NTM: variants seen among roughly 807,000 people sequenced by gnomAD.
NTM encodes the protein IgLON family member 2.
A neutral mutation model predicts 42.1 loss-of-function variants in NTM; 13 were observed. The ratio of observed to expected loss-of-function variants is 0.31; its 90% confidence interval spans 0.20 to 0.49. The LOEUF (loss-of-function observed/expected upper bound fraction) is 0.49, where lower values mean the gene tolerates loss of function less well. NTM is among the 20% of genes least tolerant of loss of function. The pLI is 0.99. For synonymous variants in NTM, 187 were observed against 179.2 expected (o/e 1.04, Z -0.35); for missense variants, 373 against 452.8 (o/e 0.82, Z 1.60).
intron 1 of NTM, among the ~76,000 whole-genome samples, chr11:131,650,719 C>A (rs1320872582): frequency 6.6e-6 from 1 of 152,038 alleles, no homozygotes; most frequent in Non-Finnish European, 1.5e-5. Flanking sequence ...TTACTATGCC[C>A]TCCCCAGAGG....
At chr11:131,835,690 C>T (rs913086828) in intron 1 of NTM, among the ~76,000 whole-genome samples, 1 of 152,122 alleles carries the variant, frequency 6.6e-6, no homozygotes, top group Non-Finnish European at 1.5e-5. Flanking sequence ...CTATTAATTA[C>T]AGAATCTCTC....
At chr11:131,704,678 A>G (rs1043180145) in intron 1 of NTM, among the ~76,000 whole-genome samples, 4 of 152,248 alleles carry the variant, frequency 2.6e-5, no homozygotes, top group South Asian at 2.1e-4. Flanking sequence ...CATTTAAAAT[A>G]ATAATCTTAA....
chr11:132,208,130 G>A (rs1365213609), intron 3 of NTM, among the ~76,000 whole-genome samples: 1 of 152,160 alleles, frequency 6.6e-6, no homozygotes, highest in African/African-American at 2.4e-5. Flanking sequence ...GATATAGAAT[G>A]TATCCATGGA....
At chr11:131,969,087 A>G (rs113466618) in intron 2 of NTM, among the ~76,000 whole-genome samples, 6 of 152,322 alleles carry the variant, frequency 3.9e-5, no homozygotes, top group East Asian at 3.9e-4. Context: ...GGCTAATTCT[A>G]TTTTTCATTT....
chr11:132,067,195 G>A (rs149236131), intron 2 of NTM, among the ~76,000 whole-genome samples: 1,729 of 152,268 alleles, frequency 0.011, 41 homozygotes, highest in African/African-American at 0.038. Context: ...AGCTCAAGCA[G>A]TCTGCCTGTT....
chr11:131,517,984 G>T (rs1434716960), intron 1 of NTM, among the ~76,000 whole-genome samples: 1 of 152,192 alleles, frequency 6.6e-6, no homozygotes, highest in Non-Finnish European at 1.5e-5. Context: ...TGTAACAATA[G>T]GTTATAATTA....
intron 1 of NTM, among the ~76,000 whole-genome samples, chr11:131,469,774 T>C (rs1270197476): frequency 6.6e-6 from 1 of 152,216 alleles, no homozygotes. Flanking sequence ...TGGAATGATT[T>C]TGATGATTAA....
chr11:132,273,345 T>A (rs2093581587), intron 4 of NTM, among the ~76,000 whole-genome samples: 1 of 115,138 alleles, frequency 8.7e-6, no homozygotes, highest in African/African-American at 3.3e-5. Context: ...TCCTGAGGAA[T>A]TCCACATATG....
chr11:132,290,046 A>G (rs2094401994), intron 4 of NTM, among the ~76,000 whole-genome samples: 1 of 152,210 alleles, frequency 6.6e-6, no homozygotes, highest in East Asian at 1.9e-4. Context: ...ATTTGCCGCT[A>G]TATTGTTCTT....
chr11:131,913,300 T>C (rs73587562), intron 2 of NTM, among the ~76,000 whole-genome samples: 161 of 152,238 alleles, frequency 1.1e-3, no homozygotes, highest in African/African-American at 3.6e-3. Flanking sequence ...ACAGAGACAT[T>C]CTGAATGGGG....
intron 2 of NTM, among the ~76,000 whole-genome samples, chr11:131,992,493 A>C (rs1366974771): frequency 1.3e-5 from 2 of 152,070 alleles, no homozygotes; most frequent in Admixed American, 1.3e-4. Context: ...GTGTATGAAC[A>C]TAAGACTACA....
chr11:131,759,071 A>G (rs2083742305), intron 1 of NTM, among the ~76,000 whole-genome samples: 1 of 152,202 alleles, frequency 6.6e-6, no homozygotes, highest in Non-Finnish European at 1.5e-5. Context: ...ATACACTTCT[A>G]TGGATATTAT....
rs927287089 is a variant in NTM at position 131,459,935 on chromosome 11, A to AT, written c.82+89054dup. Among the ~76,000 whole-genome samples the AT allele has an allele frequency of 3.9e-5, 6 of 152,280 alleles. No individual in the cohort carries two copies. In the East Asian group the frequency reaches 7.7e-4, roughly 20 times the overall value. On this transcript the variant is annotated intron_variant, in intron 1 of 8. Transcript: ENST00000683400. ...GCTTAGGAAGTGGGCCAGGTTTTGT[A>AT]TTTTTTTAAAAAAATAAAACAATTG... is the stretch of plus-strand genomic sequence containing the variant.
intron 4 of NTM, among the ~76,000 whole-genome samples, chr11:132,238,660 A>G (rs572322534): frequency 2.4e-4 from 37 of 152,270 alleles, no homozygotes; most frequent in African/African-American, 8.7e-4. Context: ...CGCGGAGCTC[A>G]TTGCCTTAGG....
intron 1 of NTM, among the ~76,000 whole-genome samples, chr11:131,698,563 C>T (rs1409172548): frequency 1.3e-5 from 2 of 152,042 alleles, no homozygotes; most frequent in African/African-American, 4.8e-5. Flanking sequence ...AAAAACCAGA[C>T]ATTTCCCATT....
intron 1 of NTM, among the ~76,000 whole-genome samples, chr11:131,440,466 A>G (rs566079003): frequency 1.3e-5 from 2 of 152,182 alleles, no homozygotes; most frequent in East Asian, 1.9e-4. Flanking sequence ...TTCTGACTCT[A>G]CCATGCTTTA....
chr11:131,937,263 C>T (rs2059323762), intron 2 of NTM, among the ~76,000 whole-genome samples: 1 of 152,126 alleles, frequency 6.6e-6, no homozygotes, highest in African/African-American at 2.4e-5. Context: ...TGAAAAAGAA[C>T]TGTTATTGGA....
chr11:131,968,592 G>C (rs556255826), intron 2 of NTM, among the ~76,000 whole-genome samples: 1 of 152,086 alleles, frequency 6.6e-6, no homozygotes, highest in South Asian at 2.1e-4. Context: ...CCTGATCAGC[G>C]TTTCTGTCTT....
At chr11:131,579,199 G>A (rs2058182459) in intron 1 of NTM, among the ~76,000 whole-genome samples, 1 of 152,194 alleles carries the variant, frequency 6.6e-6, no homozygotes. Flanking sequence ...GGAAACAGAG[G>A]CTGGAAACTA....
Sources: allele counts gnomAD v4.1 joint callset (sites outside exome capture counted in the v4.1 genomes callset), GRCh38; gene constraint gnomAD v4.1.1; transcripts MANE v1.5; gene names NCBI Gene and HGNC (gene_info 2026-07-23, HGNC 2026-07-21).